The following CDKN2B-AS1 variants were observed in gnomAD, a reference collection of about 807,000 sequenced individuals.
The protein encoded by CDKN2B-AS1 is CDKN2B and CDKN2A antisense cis and trans regulatory RNA 1, also known as CDKN2B antisense RNA 1 (non-protein coding).
At chr9:22,050,431 C>G (rs1404245164) in intron 3 of CDKN2B-AS1, among the ~76,000 whole-genome samples, 2 of 152,196 alleles carry the variant, frequency 1.3e-5, no homozygotes, top group Non-Finnish European at 2.9e-5. Context: ...AAGGAAGTCC[C>G]AGCTGAAAGG....
At position 21,996,400 on chromosome 9, in the gene CDKN2B-AS1, C is replaced by T. The variant is rs1330477457; in HGVS notation, n.29+1239C>T. ...TGTGCTGGGGCCACATGCCACCTTT[C>T]TGTCTAGTATGGCTGCTCTTTCTCC... is the stretch of plus-strand genomic sequence containing the variant. On this transcript the variant is annotated intron_variant and non_coding_transcript_variant, in intron 1 of 4. Coordinates refer to ENST00000650946, the Ensembl canonical transcript of CDKN2B-AS1. This position sits in a 1 kb window ranked among gnomAD's most constrained non-coding sequence, Gnocchi z 5.4. 1.3e-5 allele frequency among the ~76,000 whole-genome samples: 2 copies of T among 152,308 alleles called. No homozygotes were observed. Among genetic ancestry groups the T allele is most frequent in the South Asian group, 2.1e-4 (1 of 4,826 alleles).
intron 4 of CDKN2B-AS1, among the ~76,000 whole-genome samples, chr9:22,111,540 CAGA>C (rs1825804415): frequency 1.3e-5 from 2 of 151,852 alleles, no homozygotes; most frequent in Non-Finnish European, 2.9e-5. Flanking sequence ...TACAAGTGAT[CAGA>C]TGTCAAAATG....
At chr9:22,107,099 C>T (rs1825680297) in intron 4 of CDKN2B-AS1, among the ~76,000 whole-genome samples, 2 of 152,170 alleles carry the variant, frequency 1.3e-5, no homozygotes, top group Non-Finnish European at 2.9e-5. Context: ...GTATGGAGTG[C>T]AGATCAGATG....
At chr9:22,004,285 T>G in intron 1 of CDKN2B-AS1, 1 of 232,536 alleles carries the variant, frequency 4.3e-6, no homozygotes, top group Non-Finnish European at 8.5e-6. Flanking sequence ...GTACTCCTTC[T>G]TATAAGTCTC....
chr9:22,089,225 T>G (rs1315080402), intron 4 of CDKN2B-AS1, among the ~76,000 whole-genome samples: 4 of 152,198 alleles, frequency 2.6e-5, no homozygotes, highest in Non-Finnish European at 5.9e-5. Context: ...ACATTAACTA[T>G]GTAATAAGAC....
chr9:22,007,274 A>T (rs149099202), intron 1 of CDKN2B-AS1, among the ~76,000 whole-genome samples: 5 of 152,158 alleles, frequency 3.3e-5, no homozygotes, highest in Non-Finnish European at 5.9e-5. Context: ...AGGCAGGAGA[A>T]TCGCTTGCAT....
chr9:22,038,302 A>C (rs1286029641), intron 1 of CDKN2B-AS1, among the ~76,000 whole-genome samples: 1 of 151,846 alleles, frequency 6.6e-6, no homozygotes, highest in Non-Finnish European at 1.5e-5. Flanking sequence ...GTGAAATTCA[A>C]CTTTTCTCCA....
chr9:22,087,965 C>A (rs1824920575), intron 4 of CDKN2B-AS1, among the ~76,000 whole-genome samples: 1 of 152,142 alleles, frequency 6.6e-6, no homozygotes, highest in Admixed American at 6.5e-5. Context: ...AAAGGAGAGA[C>A]TAGGGAGTGT....
chr9:22,050,043 A>C (rs551389561), intron 3 of CDKN2B-AS1, among the ~76,000 whole-genome samples: 76 of 152,256 alleles, frequency 5.0e-4, no homozygotes, highest in African/African-American at 1.7e-3. Context: ...AAATATCCAG[A>C]TTGTCCATAT....
chr9:22,024,809 G>T lies in CDKN2B-AS1; in HGVS notation n.30-21942G>T, dbSNP rs75546694. On this transcript the variant is annotated intron_variant and non_coding_transcript_variant, in intron 1 of 4. Coordinates refer to ENST00000650946, the Ensembl canonical transcript of CDKN2B-AS1. ...AGTATGGGTAGCGAACACCCGGCTG[G>T]TGTGCGCAGTAAGGGCTGTCTTGCT... Among the ~76,000 whole-genome samples, 1,469 of 152,308 alleles carry T rather than the reference G, an allele frequency of 9.6e-3. 21 individuals are homozygous for T. The highest frequency in any genetic ancestry group is 0.012 in the Non-Finnish European group (836 of 68,006).
At chr9:22,016,139 C>G (rs984176361) in intron 1 of CDKN2B-AS1, among the ~76,000 whole-genome samples, 2 of 152,064 alleles carry the variant, frequency 1.3e-5, no homozygotes, top group African/African-American at 4.8e-5. Flanking sequence ...GTTGCCATTG[C>G]TTTTGGTGTT....
chr9:22,075,460 T>G (rs57076710), intron 4 of CDKN2B-AS1, among the ~76,000 whole-genome samples: 17,973 of 152,170 alleles, frequency 0.12, 2,799 homozygotes, highest in African/African-American at 0.36. Flanking sequence ...CCTGTAAAAA[T>G]AAAGTCTTAA....
At chr9:22,015,216 A>G (rs1279401541) in intron 1 of CDKN2B-AS1, among the ~76,000 whole-genome samples, 1 of 152,204 alleles carries the variant, frequency 6.6e-6, no homozygotes, top group Non-Finnish European at 1.5e-5. Flanking sequence ...ACTAGTTTAC[A>G]GTCCCACCAA....
At chr9:22,085,523 A>G (rs1032636611) in intron 4 of CDKN2B-AS1, among the ~76,000 whole-genome samples, 5 of 152,078 alleles carry the variant, frequency 3.3e-5, no homozygotes, top group Non-Finnish European at 7.4e-5. Context: ...GATCAAGACC[A>G]CCCTGGCTAA....
intron 4 of CDKN2B-AS1, among the ~76,000 whole-genome samples, chr9:22,079,447 C>T (rs1015211339): frequency 6.6e-6 from 1 of 151,138 alleles, no homozygotes; most frequent in Non-Finnish European, 1.5e-5. Context: ...GAGACTGTGC[C>T]TCTGTACTCC....
At chr9:22,095,077 C>T (rs1825227102) in intron 4 of CDKN2B-AS1, among the ~76,000 whole-genome samples, 1 of 145,010 alleles carries the variant, frequency 6.9e-6, no homozygotes, top group Non-Finnish European at 1.5e-5. Flanking sequence ...TGGAGGTCCA[C>T]TCCAGACGCT....
chr9:22,016,591 A>C (rs907008007), intron 1 of CDKN2B-AS1, among the ~76,000 whole-genome samples: 7 of 152,224 alleles, frequency 4.6e-5, no homozygotes, highest in African/African-American at 1.7e-4. Context: ...TACTGGTACC[A>C]AAACAGAGAT....
At chr9:22,017,246 G>A (rs1322744920) in intron 1 of CDKN2B-AS1, among the ~76,000 whole-genome samples, 1 of 152,170 alleles carries the variant, frequency 6.6e-6, no homozygotes, top group Admixed American at 6.5e-5. Context: ...CCAATATGGT[G>A]AAACCCCATC....
rs1023996410 is a variant in CDKN2B-AS1 at position 22,085,326 on chromosome 9, C to T, written n.438+28939C>T. Among the ~76,000 whole-genome samples the T allele has an allele frequency of 3.3e-5, 5 of 152,270 alleles. No individual in the cohort carries two copies. The South Asian group carries it at 1.0e-3, about 32-fold the overall frequency. On this transcript the variant is annotated intron_variant and non_coding_transcript_variant, in intron 4 of 4. Transcript: ENST00000650946. ...CAAGGTATGCTTATCCCAACCCCAC[C>T]CTGCCAAGTGCATTCCTTATTCCTC...
Sources: gnomAD v4.1 joint callset for allele counts (sites outside exome capture counted in the v4.1 genomes callset) on GRCh38, gnomAD v4.1.1 for gene constraint, Gnocchi (gnomAD v3.1) non-coding constraint, MANE v1.5 for transcripts, NCBI Gene and HGNC (gene_info 2026-07-23, HGNC 2026-07-21) for gene names.